The following SLC14A2 variants were observed in gnomAD, a reference collection of about 807,000 sequenced individuals.
SLC14A2 encodes the protein solute carrier family 14 member 2.
In SLC14A2, 91 loss-of-function variants were observed where a neutral mutation model predicts 104.6. That is an observed-to-expected ratio of 0.87 (90% CI 0.73 to 1.04). SLC14A2 has a LOEUF of 1.04. Ranked by LOEUF, SLC14A2 falls within the 50% of genes least tolerant of loss-of-function variation. The probability of loss-of-function intolerance (pLI) is 0.00; values close to 1 mark genes in which losing one functional copy is unlikely to be tolerated. For missense variants in SLC14A2, 1,189 were observed against 1,156.0 expected (o/e 1.03, Z -0.41); for synonymous variants, 476 against 466.4 (o/e 1.02, Z -0.27).
rs1328541615 is a variant in SLC14A2, at chr18:45,236,146, CAT to C, written c.-125+22960_-125+22961del. Among the ~76,000 whole-genome samples, 10 of 31,510 alleles carry C rather than the reference CAT, an allele frequency of 3.2e-4. 1 individual carries two copies. The highest frequency in any genetic ancestry group is 1.4e-3 in the African/African-American group (8 of 5,896). The allele number at this position is 31,510 out of a possible 152,430, so 20.7% of individuals were successfully genotyped here. A position where few individuals can be genotyped will look rare whatever the true frequency, so the allele number is the denominator to read the frequency against. On this transcript the variant is annotated intron_variant, in intron 1 of 20. Transcript: ENST00000586448. The stretch of plus-strand genomic sequence containing the variant: ...ATATGTGTGTATATATGTATATATA[CAT>C]ATATGTGTGTATATATGTGTATATA...
intron 1 of SLC14A2, among the ~76,000 whole-genome samples, chr18:45,476,430 A>G (rs1404696105): frequency 6.6e-6 from 1 of 151,808 alleles, no homozygotes; most frequent in African/African-American, 2.4e-5. Context: ...CTTAATTTCA[A>G]CCTTGGTGAA....
chr18:45,482,098 T>C (rs1174339604), intron 1 of SLC14A2, among the ~76,000 whole-genome samples: 2 of 152,126 alleles, frequency 1.3e-5, no homozygotes, highest in Non-Finnish European at 2.9e-5. Context: ...GGGAATAACA[T>C]ACCAAAAGCT....
chr18:45,449,385 A>G (rs2086823001), intron 1 of SLC14A2, among the ~76,000 whole-genome samples: 1 of 151,900 alleles, frequency 6.6e-6, no homozygotes. Context: ...CCTGACCCCA[A>G]CTCTGACCAT....
intron 2 of SLC14A2, among the ~76,000 whole-genome samples, chr18:45,539,635 C>T (rs2705394): frequency 0.2 from 29,879 of 152,134 alleles, 2,931 homozygotes; most frequent in Non-Finnish European, 0.21. Flanking sequence ...CTTTGAAATA[C>T]GGCTGCCTCT....
At chr18:45,419,897 G>A (rs965227991) in intron 1 of SLC14A2, among the ~76,000 whole-genome samples, 13 of 152,122 alleles carry the variant, frequency 8.5e-5, no homozygotes, top group East Asian at 1.9e-4. Flanking sequence ...ATTCACCTCC[G>A]GTTCTCCCTG....
intron 1 of SLC14A2, among the ~76,000 whole-genome samples, chr18:45,322,518 G>A (rs546036005): frequency 1.5e-3 from 226 of 152,260 alleles, no homozygotes; most frequent in African/African-American, 5.3e-3. Flanking sequence ...GAACACAATC[G>A]ATTTGATAAA....
chr18:45,534,947 A>T (rs1306307501), intron 2 of SLC14A2, among the ~76,000 whole-genome samples: 1 of 152,202 alleles, frequency 6.6e-6, no homozygotes, highest in African/African-American at 2.4e-5. Context: ...GTAAAATCTC[A>T]ATTTACTGGA....
intron 1 of SLC14A2, among the ~76,000 whole-genome samples, chr18:45,375,471 A>T (rs1011081059): frequency 6.6e-6 from 1 of 152,110 alleles, no homozygotes; most frequent in African/African-American, 2.4e-5. Context: ...CCATGAGTTC[A>T]TCTCCTACCC....
At chr18:45,430,358 G>C (rs987267025) in intron 1 of SLC14A2, among the ~76,000 whole-genome samples, 1 of 152,154 alleles carries the variant, frequency 6.6e-6, no homozygotes, top group Non-Finnish European at 1.5e-5. Context: ...AGAATGGTTA[G>C]AGAAAAGTAT....
chr18:45,333,620 A>T (rs1408304537), intron 1 of SLC14A2, among the ~76,000 whole-genome samples: 3 of 152,366 alleles, frequency 2.0e-5, no homozygotes, highest in Non-Finnish European at 2.9e-5. Flanking sequence ...CATGAAGAAC[A>T]TCACCTTTTT....
At chr18:45,211,561 C>G (rs988352537), upstream of SLC14A2, among the ~76,000 whole-genome samples, 3 of 152,118 alleles carry the variant, frequency 2.0e-5, no homozygotes, top group African/African-American at 7.2e-5. Flanking sequence ...TTTCTTCTTA[C>G]CTTCTTGCCT....
chr18:45,558,173 G>T (rs2044156563), intron 2 of SLC14A2, among the ~76,000 whole-genome samples: 2 of 152,014 alleles, frequency 1.3e-5, no homozygotes, highest in South Asian at 4.2e-4. Flanking sequence ...CTCTTGATTT[G>T]GTACCTTTCT....
At chr18:45,452,997 T>C (rs1250778828) in intron 1 of SLC14A2, among the ~76,000 whole-genome samples, 1 of 152,208 alleles carries the variant, frequency 6.6e-6, no homozygotes, top group Non-Finnish European at 1.5e-5. Flanking sequence ...TACTTAGTGT[T>C]CAACCCCGGA....
chr18:45,342,859 A>G (rs914045682), intron 1 of SLC14A2, among the ~76,000 whole-genome samples: 1 of 152,244 alleles, frequency 6.6e-6, no homozygotes, highest in Non-Finnish European at 1.5e-5. Flanking sequence ...TGGAAGAAAT[A>G]TAGAACTTCC....
At chr18:45,256,111 C>T (rs576778497) in intron 1 of SLC14A2, among the ~76,000 whole-genome samples, 14 of 152,182 alleles carry the variant, frequency 9.2e-5, no homozygotes, top group Non-Finnish European at 1.5e-4. Flanking sequence ...CCCCTATCCC[C>T]AGGGTACTTG....
At chr18:45,234,427 T>C (rs759493920) in intron 1 of SLC14A2, among the ~76,000 whole-genome samples, 2 of 152,218 alleles carry the variant, frequency 1.3e-5, no homozygotes, top group Admixed American at 6.5e-5. Flanking sequence ...ACTAAGAACA[T>C]TTTAAAACTA....
chr18:45,408,293 T>C (rs183326444), intron 1 of SLC14A2, among the ~76,000 whole-genome samples: 6 of 152,314 alleles, frequency 3.9e-5, no homozygotes, highest in Admixed American at 2.6e-4. Flanking sequence ...GCATTCAAAA[T>C]ATTATATTTG....
chr18:45,658,276 A>G (rs2045877045), intron 10 of SLC14A2, among the ~76,000 whole-genome samples: 1 of 152,218 alleles, frequency 6.6e-6, no homozygotes. Context: ...GAGAGAGTAA[A>G]TCTTGTTCAA....
chr18:45,330,297 C>A (rs922576146), intron 1 of SLC14A2, among the ~76,000 whole-genome samples: 1 of 152,184 alleles, frequency 6.6e-6, no homozygotes, highest in South Asian at 2.1e-4. Flanking sequence ...TCCAATTGTA[C>A]CCCTAAGCCT....
Sources: gnomAD v4.1 joint callset for allele counts (sites outside exome capture counted in the v4.1 genomes callset) on GRCh38, gnomAD v4.1.1 for gene constraint, MANE v1.5 for transcripts, NCBI Gene and HGNC (gene_info 2026-07-23, HGNC 2026-07-21) for gene names.